Variants in CDH12 observed in about 807,000 individuals in gnomAD.
CDH12 encodes the protein cadherin-12.
In CDH12, 41 loss-of-function variants were observed where a neutral mutation model predicts 74.1. The observed-to-expected ratio is 0.55, with a 90% CI of 0.43 to 0.72. The LOEUF is 0.72. CDH12 is among the 30% of genes least tolerant of loss of function. The probability of loss-of-function intolerance (pLI) is 0.00; values close to 1 mark genes in which losing one functional copy is unlikely to be tolerated. For synonymous variants in CDH12, 399 were observed against 355.0 expected (o/e 1.12, Z -1.39); for missense variants, 945 against 977.2 (o/e 0.97, Z 0.44).
intron 6 of CDH12, among the ~76,000 whole-genome samples, chr5:21,873,904 C>T (rs1339910678): frequency 8.4e-4 from 53 of 63,162 alleles, no homozygotes; most frequent in Non-Finnish European, 1.6e-4. Flanking sequence ...TAGCTTCCAG[C>T]TTCACCCATG....
intron 6 of CDH12, among the ~76,000 whole-genome samples, chr5:21,970,075 TTTGAAC>T (rs1756770928): frequency 6.6e-6 from 1 of 151,962 alleles, no homozygotes; most frequent in Non-Finnish European, 1.5e-5. Flanking sequence ...AATGTTTGAT[TTTGAAC>T]TTGAACTTTT....
chr5:22,080,078 A>G (rs1254664883), intron 4 of CDH12, among the ~76,000 whole-genome samples: 1 of 152,196 alleles, frequency 6.6e-6, no homozygotes. Context: ...CTAGGGTCAC[A>G]GTGCTTCGAG....
chr5:21,827,988 A>G (rs1032097042), intron 8 of CDH12, among the ~76,000 whole-genome samples: 9 of 152,156 alleles, frequency 5.9e-5, no homozygotes, highest in African/African-American at 2.2e-4. Context: ...TCCATTTAAC[A>G]ATATATGGTA....
At chr5:22,003,571 G>A (rs901497268) in intron 5 of CDH12, among the ~76,000 whole-genome samples, 7 of 152,086 alleles carry the variant, frequency 4.6e-5, no homozygotes, top group African/African-American at 1.7e-4. Flanking sequence ...GCCGTCCTCT[G>A]AGCACCATAA....
chr5:21,796,998 A>G (rs1579719065), intron 10 of CDH12, among the ~76,000 whole-genome samples: 1 of 152,158 alleles, frequency 6.6e-6, no homozygotes. Flanking sequence ...TAGAAACAAG[A>G]AATCTAGTGC....
At chr5:22,328,958 G>T (rs1739236655) in intron 3 of CDH12, among the ~76,000 whole-genome samples, 1 of 152,130 alleles carries the variant, frequency 6.6e-6, no homozygotes, top group African/African-American at 2.4e-5. Context: ...AAATTCCACA[G>T]CAGGATGGTA....
intron 2 of CDH12, among the ~76,000 whole-genome samples, chr5:22,466,073 A>G (rs550184354): frequency 1.4e-3 from 215 of 152,148 alleles, no homozygotes; most frequent in Non-Finnish European, 2.8e-3. Flanking sequence ...TCTTATCTAA[A>G]TTCACTCTAA....
intron 1 of CDH12, among the ~76,000 whole-genome samples, chr5:22,536,537 T>C (rs1737853251): frequency 6.6e-6 from 1 of 152,170 alleles, no homozygotes; most frequent in East Asian, 1.9e-4. Flanking sequence ...TATTCAGTTG[T>C]TGATGATTAT....
At chr5:22,747,077 G>C (rs1193580906) in intron 1 of CDH12, among the ~76,000 whole-genome samples, 1 of 152,086 alleles carries the variant, frequency 6.6e-6, no homozygotes, top group Middle Eastern at 3.2e-3. Context: ...TTTCCTCAGT[G>C]CTTCTAGATC....
At chr5:22,281,361 G>A (rs777811512) in intron 3 of CDH12, among the ~76,000 whole-genome samples, 1 of 152,054 alleles carries the variant, frequency 6.6e-6, no homozygotes, top group Admixed American at 6.6e-5. Context: ...CAAGGTATTG[G>A]GAGTTCTAGC....
intron 13 of CDH12, among the ~76,000 whole-genome samples, chr5:21,759,634 C>T (rs1375313126): frequency 6.6e-6 from 1 of 151,970 alleles, no homozygotes; most frequent in Non-Finnish European, 1.5e-5. Context: ...AAACCTATGT[C>T]ATGTCAAATA....
chr5:22,386,918 G>A (rs1742023832), intron 3 of CDH12, among the ~76,000 whole-genome samples: 1 of 151,778 alleles, frequency 6.6e-6, no homozygotes, highest in Admixed American at 6.6e-5. Flanking sequence ...TGAGAAATGT[G>A]ATTTACTTAA....
chr5:22,819,818 CA>C lies in CDH12; in HGVS notation c.-523+33239del, dbSNP rs1311192214. Among the ~76,000 whole-genome samples the C allele has an allele frequency of 2.0e-5, 3 of 149,698 alleles. No homozygotes were observed. In the East Asian group the frequency reaches 5.9e-4, roughly 29 times the overall value. Reference sequence around the variant, plus strand: ...AAAACCAAAATAAAATTAAGATATCCAGATACTTAAATATATATTTATATCC... The same window carrying C: ...AAAACCAAAATAAAATTAAGATATCCGATACTTAAATATATATTTATATCC... On this transcript the variant is annotated intron_variant, in intron 1 of 14. Transcript: ENST00000382254.
chr5:22,094,517 C>T (rs900662547), intron 4 of CDH12, among the ~76,000 whole-genome samples: 4 of 151,986 alleles, frequency 2.6e-5, no homozygotes, highest in African/African-American at 9.7e-5. Flanking sequence ...AGGACAGAAA[C>T]TATCGTAACA....
At chr5:22,238,655 T>C (rs148614892) in intron 3 of CDH12, among the ~76,000 whole-genome samples, 2 of 152,330 alleles carry the variant, frequency 1.3e-5, no homozygotes, top group East Asian at 1.9e-4. Context: ...CCAACATGTG[T>C]TGAGAATACT....
At chr5:22,448,159 A>C (rs1744902459) in intron 2 of CDH12, among the ~76,000 whole-genome samples, 1 of 145,360 alleles carries the variant, frequency 6.9e-6, no homozygotes, top group Non-Finnish European at 1.5e-5. Context: ...CCCTGTGTCA[A>C]AAAAAAAAAA....
chr5:22,195,287 A>G (rs565891279), intron 4 of CDH12, among the ~76,000 whole-genome samples: 1 of 152,266 alleles, frequency 6.6e-6, no homozygotes, highest in African/African-American at 2.4e-5. Flanking sequence ...GTGCTTCACT[A>G]AGCACATTTA....
intron 1 of CDH12, among the ~76,000 whole-genome samples, chr5:22,822,320 G>T (rs1251161058): frequency 6.6e-6 from 1 of 152,094 alleles, no homozygotes; most frequent in Non-Finnish European, 1.5e-5. Flanking sequence ...ACATAGGCAT[G>T]GGCAAGGACT....
chr5:22,025,721 C>A (rs1738303073), intron 5 of CDH12, among the ~76,000 whole-genome samples: 1 of 152,144 alleles, frequency 6.6e-6, no homozygotes, highest in Non-Finnish European at 1.5e-5. Flanking sequence ...GGAGTCAATC[C>A]TCTCAAACCC....
Sources: gnomAD v4.1 joint callset for allele counts (sites outside exome capture counted in the v4.1 genomes callset) on GRCh38, gnomAD v4.1.1 for gene constraint, MANE v1.5 for transcripts, NCBI Gene and HGNC (gene_info 2026-07-23, HGNC 2026-07-21) for gene names.